Variants in KIF26B observed in about 807,000 individuals in gnomAD.
KIF26B encodes the protein kinesin-like protein KIF26B.
In KIF26B, 63 loss-of-function variants were observed where a neutral mutation model predicts 151.2. The ratio of observed to expected loss-of-function variants is 0.42; its 90% CI spans 0.34 to 0.51. The LOEUF (loss-of-function observed/expected upper bound fraction) is 0.51. Among genes scored for constraint, KIF26B ranks in the 20% least tolerant of loss-of-function variants. KIF26B has a pLI of 0.07. For synonymous variants in KIF26B, 1,357 were observed against 1,262.1 expected (o/e 1.08, Z -1.59); for missense variants, 2,813 against 2,913.6 (o/e 0.97, Z 0.79).
At chr1:245,205,354 G>A (rs1270017818) in intron 2 of KIF26B, among the ~76,000 whole-genome samples, 1 of 152,126 alleles carries the variant, frequency 6.6e-6, no homozygotes, top group Non-Finnish European at 1.5e-5. Flanking sequence ...TAAGGTGTAT[G>A]GAAAGTATAC....
At position 245,609,383 on chromosome 1, in the gene KIF26B, G is replaced by A. The variant is rs368651732; in HGVS notation, c.1769G>A (p.Arg590His). ...INERKEKTGARFSVRVSAVEV... is the reference protein window; with the variant it reads ...INERKEKTGAHFSVRVSAVEV... ...GAACGCAAGGAAAAGACCGGCGCCCGTTTCTCAGTCCGGGTTTCCGCCGTG... is the reference window on the plus strand; with the variant it reads ...GAACGCAAGGAAAAGACCGGCGCCCATTTCTCAGTCCGGGTTTCCGCCGTG... Residue 590 changes from arginine (R) to histidine (H), a missense_variant, in exon 8 of 15, where the codon CGT becomes CAT. By Grantham distance (29) the Arg-to-His change is conservative (BLOSUM62 0). Coordinates refer to ENST00000407071, the MANE Select transcript of KIF26B (RefSeq NM_018012.4). 9 of 1,609,690 alleles carry A rather than the reference G, an allele frequency of 5.6e-6. No individual in the cohort carries two copies. The highest frequency in any genetic ancestry group is 1.7e-4 in the Middle Eastern group (1 of 6,058).
intron 9 of KIF26B, among the ~76,000 whole-genome samples, chr1:245,641,856 G>T: frequency 6.6e-6 from 1 of 152,094 alleles, no homozygotes; most frequent in East Asian, 1.9e-4. Context: ...ATATTTCCCT[G>T]AATGTTCTTG....
rs200867304 is a variant in KIF26B, at chr1:245,367,007, C to T, written c.639C>T (p.His213=). The change falls in exon 3 of 15, where the codon CAC becomes CAT. Residue 213 remains histidine, a synonymous_variant. Transcript: ENST00000407071. This position sits in a 1 kb window ranked among gnomAD's most constrained non-coding sequence, Gnocchi z 4.2. The part of the protein sequence containing the change: ...LTLEQAAGSE[H]YDASPCSPPP... Reference sequence around the variant, plus strand: ...TGGAGCAGGCAGCCGGCAGTGAGCACTACGACGCCTCGCCCTGCTCCCCGC... The same window carrying T: ...TGGAGCAGGCAGCCGGCAGTGAGCATTACGACGCCTCGCCCTGCTCCCCGC... 1.2e-6 allele frequency: 2 copies of T among 1,613,314 alleles called. No homozygotes were observed. The highest frequency in any genetic ancestry group is 1.7e-6 in the Non-Finnish European group (2 of 1,179,684).
At chr1:245,593,683 A>G (rs2043312779) in intron 5 of KIF26B, among the ~76,000 whole-genome samples, 1 of 152,164 alleles carries the variant, frequency 6.6e-6, no homozygotes, top group Non-Finnish European at 1.5e-5. Flanking sequence ...TTGGGTATAT[A>G]CCCAGTAATG....
intron 2 of KIF26B, among the ~76,000 whole-genome samples, chr1:245,277,498 G>A (rs976271606): frequency 6.6e-6 from 1 of 152,208 alleles, no homozygotes; most frequent in Non-Finnish European, 1.5e-5. Context: ...CCTGTGGGCT[G>A]CTTTGTGGGG....
At chr1:245,287,508 T>TC (rs1175799796) in intron 2 of KIF26B, among the ~76,000 whole-genome samples, 9 of 149,180 alleles carry the variant, frequency 6.0e-5, no homozygotes, top group Non-Finnish European at 1.3e-4. Flanking sequence ...CTTTTTTTTT[T>TC]TTTTTTTTTC....
Position 245,218,911 on chromosome 1 carries a change from G to A in KIF26B, c.465+62228G>A, listed in dbSNP as rs968126032. 2.6e-5 allele frequency among the ~76,000 whole-genome samples: 4 copies of A among 151,948 alleles called. No homozygotes were observed. Among genetic ancestry groups the A allele is most frequent in the Admixed American group, 6.6e-5 (1 of 15,244 alleles). On this transcript the variant is annotated intron_variant, in intron 2 of 14. Coordinates refer to ENST00000407071, the MANE Select transcript of KIF26B (RefSeq NM_018012.4). This position sits in a 1 kb window ranked among gnomAD's most constrained non-coding sequence, Gnocchi z 4.1. ...CAGCCAGACCTGAAACCCTTTCCCC[G>A]GTTCTTGTTGGCATTTCTGACTTTG...
At chr1:245,397,364 C>T (rs911349422) in intron 3 of KIF26B, among the ~76,000 whole-genome samples, 1 of 152,038 alleles carries the variant, frequency 6.6e-6, no homozygotes, top group Non-Finnish European at 1.5e-5. Context: ...TACAGGCATG[C>T]ACCACCACAC....
chr1:245,445,721 C>A (rs1241898285), intron 4 of KIF26B, among the ~76,000 whole-genome samples: 1 of 152,194 alleles, frequency 6.6e-6, no homozygotes, highest in Non-Finnish European at 1.5e-5. Flanking sequence ...ATCCGCCTTG[C>A]TCTCCCAGGT....
At chr1:245,450,035 C>G (rs115632118) in intron 4 of KIF26B, among the ~76,000 whole-genome samples, 1 of 152,106 alleles carries the variant, frequency 6.6e-6, no homozygotes, top group East Asian at 1.9e-4. Context: ...TTTAGATGTG[C>G]GTGCTTTGCC....
rs371677336 is a variant in KIF26B at position 245,448,210 on chromosome 1, G to T, written c.1166+28465G>T. On this transcript the variant is annotated intron_variant, in intron 4 of 14. Transcript: ENST00000407071. ...TCCATTTTATTTGTATGTTTTTTTT[G>T]TTGTTGTTTTTTCTTGAGACAGGGT... Among the ~76,000 whole-genome samples, 53 of 152,074 alleles carry T rather than the reference G, an allele frequency of 3.5e-4. 1 individual carries two copies. The highest frequency in any genetic ancestry group is 2.3e-3 in the East Asian group (12 of 5,174).
chr1:245,528,483 A>G (rs553502030), intron 4 of KIF26B, among the ~76,000 whole-genome samples: 27 of 152,226 alleles, frequency 1.8e-4, no homozygotes, highest in African/African-American at 6.5e-4. Context: ...AGATCTTGTG[A>G]CTGTGTACTG....
chr1:245,586,513 G>T (rs1031794563), intron 5 of KIF26B, among the ~76,000 whole-genome samples: 3 of 152,154 alleles, frequency 2.0e-5, no homozygotes, highest in African/African-American at 7.2e-5. Context: ...TTTGAGGAAA[G>T]GAGTCCCTCC....
Position 245,602,065 on chromosome 1 carries a change from G to A in KIF26B, c.1351-512G>A, listed in dbSNP as rs1421816399. ...TTGCCCCTTGGAACACATTTCGAAT[G>A]CTGGCCATTAAAAGCAGGCCATTTC... On this transcript the variant is annotated intron_variant, in intron 5 of 14. Transcript: ENST00000407071. This position sits in a 1 kb window ranked among gnomAD's most constrained non-coding sequence, Gnocchi z 4.5. Among the ~76,000 whole-genome samples the A allele has an allele frequency of 1.3e-5, 2 of 152,184 alleles. No homozygotes were observed. Among genetic ancestry groups the A allele is most frequent in the Non-Finnish European group, 2.9e-5 (2 of 68,036 alleles).
intron 3 of KIF26B, among the ~76,000 whole-genome samples, chr1:245,417,546 T>C (rs1674449981): frequency 6.6e-6 from 1 of 152,236 alleles, no homozygotes; most frequent in Non-Finnish European, 1.5e-5. Context: ...GTTCTATTTA[T>C]AGGCTTGGGA....
At chr1:245,362,796 C>G (rs1672854903) in intron 2 of KIF26B, among the ~76,000 whole-genome samples, 1 of 152,128 alleles carries the variant, frequency 6.6e-6, no homozygotes, top group African/African-American at 2.4e-5. Context: ...TCTTGTATTC[C>G]TCTTCATGGG....
chr1:245,701,459 T>C (rs1472657112), intron 14 of KIF26B, among the ~76,000 whole-genome samples: 1 of 152,140 alleles, frequency 6.6e-6, no homozygotes. Flanking sequence ...GGGCCTTCGG[T>C]CTCCTTCCAG....
At position 245,702,729 on chromosome 1, in the gene KIF26B, T is replaced by C; in HGVS notation, c.*123T>C. The C allele has an allele frequency of 8.7e-7, 1 of 1,149,070 alleles. No homozygotes were observed. The highest frequency in any genetic ancestry group is 1.2e-6 in the Non-Finnish European group (1 of 831,458). The allele number at this position is 1,149,070 out of a possible 1,614,324, so 71.2% of individuals were successfully genotyped here. A position where few individuals can be genotyped will look rare whatever the true frequency, so the allele number is the denominator to read the frequency against. On this transcript the variant is annotated 3_prime_UTR_variant, in exon 15 of 15. Coordinates refer to ENST00000407071, the MANE Select transcript of KIF26B (RefSeq NM_018012.4). This position sits in a 1 kb window ranked among gnomAD's most constrained non-coding sequence, Gnocchi z 4.1. ...AATGAGGATGAAGGTTGGTGGCAAG[T>C]CTGGAGCGGGCGTTGAGCGGAAGGC...
At chr1:245,598,837 T>A (rs1301969497) in intron 5 of KIF26B, among the ~76,000 whole-genome samples, 2 of 152,148 alleles carry the variant, frequency 1.3e-5, no homozygotes, top group Non-Finnish European at 2.9e-5. Flanking sequence ...TCCCGACCAG[T>A]GGGGACTTGG....
Sources: gnomAD v4.1 joint callset for allele counts (sites outside exome capture counted in the v4.1 genomes callset) on GRCh38, gnomAD v4.1.1 for gene constraint, Gnocchi (gnomAD v3.1) non-coding constraint, MANE v1.5 for transcripts, NCBI Gene and HGNC (gene_info 2026-07-23, HGNC 2026-07-21) for gene names.